The following SLX4 variants were observed in gnomAD, a reference collection of about 807,000 sequenced individuals.
SLX4 encodes SLX4 structure-specific endonuclease subunit.
A neutral mutation model predicts 146.2 loss-of-function variants in SLX4; 112 were observed. The observed-to-expected ratio is 0.77, with a 90% CI of 0.66 to 0.90. The LOEUF (loss-of-function observed/expected upper bound fraction) is 0.90, where lower values mean the gene tolerates loss of function less well. Ranked by LOEUF, SLX4 falls within the 40% of genes least tolerant of loss-of-function variation. The probability of loss-of-function intolerance (pLI) is 0.00; values close to 1 mark genes in which losing one functional copy is unlikely to be tolerated. For synonymous variants in SLX4, 1,061 were observed against 997.7 expected (o/e 1.06, Z -1.20); for missense variants, 2,563 against 2,392.7 (o/e 1.07, Z -1.49).
intron 1 of SLX4, among the ~76,000 whole-genome samples, chr16:3,609,815 T>C (rs1258493286): frequency 6.6e-6 from 1 of 152,198 alleles, no homozygotes; most frequent in Non-Finnish European, 1.5e-5. Flanking sequence ...GGGAGAGTGT[T>C]TTCTTAACTG....
At chr16:3,607,651 C>T (rs1042002068) in intron 2 of SLX4, among the ~76,000 whole-genome samples, 1 of 152,140 alleles carries the variant, frequency 6.6e-6, no homozygotes, top group African/African-American at 2.4e-5. Flanking sequence ...CACCACTGCA[C>T]TCCAGCCTGG....
Position 3,582,214 on chromosome 16 carries a change from T to C in SLX4, c.*128A>G, listed in dbSNP as rs528843807. 307 of 738,872 alleles carry C rather than the reference T, an allele frequency of 4.2e-4. 3 individuals carry two copies. The South Asian group carries it at 5.0e-3, about 12-fold the overall frequency. The allele number at this position is 738,872 out of a possible 1,614,324, so 45.8% of individuals were successfully genotyped here. A position where few individuals can be genotyped will look rare whatever the true frequency, so the allele number is the denominator to read the frequency against. On this transcript the variant is annotated 3_prime_UTR_variant, in exon 15 of 15. Coordinates refer to ENST00000294008, the MANE Select transcript of SLX4 (RefSeq NM_032444.4). ...TGTGGTCATCATCACAGCGCAGAGC[T>C]GATGTGGTCCCCAGGCCCAGAAATG...
At chr16:3,601,856 G>A (rs1053516946) in intron 4 of SLX4, 2 of 466,078 alleles carry the variant, frequency 4.3e-6, no homozygotes, top group African/African-American at 3.9e-5. Flanking sequence ...TGGGGGTGAT[G>A]AAAATAATCC....
At position 3,583,832 on chromosome 16, in the gene SLX4, G is replaced by C. The variant is rs189742230; in HGVS notation, c.4740-322C>G. Among the ~76,000 whole-genome samples the C allele has an allele frequency of 4.8e-3, 727 of 151,908 alleles. 4 individuals are homozygous for C. The highest frequency in any genetic ancestry group is 0.017 in the Middle Eastern group (5 of 294). On this transcript the variant is annotated intron_variant, in intron 13 of 14. Transcript: ENST00000294008. ...AGCCTGGGCAACATAGCAAGACCCC[G>C]CCTCTACAAAAAATACAAAAATTAG...
intron 7 of SLX4, among the ~76,000 whole-genome samples, chr16:3,596,776 G>A (rs964007278): frequency 5.3e-5 from 8 of 151,600 alleles, no homozygotes; most frequent in African/African-American, 1.9e-4. Flanking sequence ...CCGAATGCCA[G>A]TTTCCGGGCT....
chr16:3,591,251 T>C lies in SLX4; in HGVS notation c.2387A>G (p.Glu796Gly). The C allele has an allele frequency of 6.2e-7, 1 of 1,613,234 alleles. No homozygotes were observed. The change falls in exon 12 of 15, where the codon GAG becomes GGG. Residue 796 changes from glutamate (E) to glycine (G), a missense_variant. Glu to Gly is a moderately conservative substitution (Grantham distance 98, BLOSUM62 -2). Coordinates refer to ENST00000294008, the MANE Select transcript of SLX4 (RefSeq NM_032444.4). ...CEQVPIATDS[E>G]GKPWEEKEAE... Reference sequence around the variant, plus strand: ...TTCCTTCTCCTCCCATGGTTTGCCCTCTGAGTCAGTGGCAATAGGCACCTG... The same window carrying C: ...TTCCTTCTCCTCCCATGGTTTGCCCCCTGAGTCAGTGGCAATAGGCACCTG...
At chr16:3,583,578 T>G in intron 13 of SLX4, 68 bp from the exon 14 acceptor site, 1 of 1,573,316 alleles carries the variant, frequency 6.4e-7, no homozygotes, top group Non-Finnish European at 8.7e-7. Flanking sequence ...GTTCCCTATC[T>G]TAGCAAAGAG....
chr16:3,605,009 G>C (rs112955563), intron 3 of SLX4, among the ~76,000 whole-genome samples: 11,936 of 147,964 alleles, frequency 0.081, 527 homozygotes, highest in African/African-American at 0.12. Context: ...GCAGCTCAAC[G>C]TCCTGGGCTC....
At chr16:3,600,667 C>G in intron 5 of SLX4, 1 of 313,496 alleles carries the variant, frequency 3.2e-6, no homozygotes, top group Non-Finnish European at 5.9e-6. Flanking sequence ...GTGGTACGAT[C>G]TTGGCTCACT....
intron 4 of SLX4, 68 bp downstream of exon 4, chr16:3,602,050 C>G (rs772725307): frequency 2.5e-6 from 4 of 1,603,856 alleles, no homozygotes; most frequent in Non-Finnish European, 3.4e-6. Context: ...GATCCGCACT[C>G]CAGCCCTGGG....
chr16:3,607,497 G>A (rs1424045920), intron 2 of SLX4, among the ~76,000 whole-genome samples: 1 of 152,156 alleles, frequency 6.6e-6, no homozygotes, highest in African/African-American at 2.4e-5. Context: ...TATACCAAGG[G>A]CAGCAGGGCA....
At position 3,596,322 on chromosome 16, in the gene SLX4, G is replaced by A. The variant is rs114016359; in HGVS notation, c.1755C>T (p.Pro585=). Reference sequence around the variant, plus strand: ...CTGCAGTGGGGGTGCCGTGGAGAGCGGGTGACCTTCGCTCGCTCAGCTCTG... The same window carrying A: ...CTGCAGTGGGGGTGCCGTGGAGAGCAGGTGACCTTCGCTCGCTCAGCTCTG... ...EHSELSERRS[P]ALHGTPTAGC... Residue 585 remains proline (P), a synonymous_variant, in exon 8 of 15, where the codon CCC becomes CCT. Transcript: ENST00000294008. 3,861 of 1,584,644 alleles carry A rather than the reference G, an allele frequency of 2.4e-3. 19 individuals carry two copies. Among genetic ancestry groups the A allele is most frequent in the African/African-American group, 0.018 (1,311 of 74,630 alleles).
chr16:3,581,951 G>C lies in SLX4; in HGVS notation c.*391C>G, dbSNP rs1315682501. ...CCAGCTATCTGGGAGGCTGAGGCAG[G>C]AGAATTGCTTGAACCCGGGAGGCGG... On this transcript the variant is annotated 3_prime_UTR_variant, in exon 15 of 15. Transcript: ENST00000294008. 3.8e-6 allele frequency: 1 copy of C among 262,368 alleles called. No homozygotes were observed. Among genetic ancestry groups the C allele is most frequent in the Admixed American group, 4.9e-5 (1 of 20,418 alleles). The allele number at this position is 262,368 out of a possible 1,614,324, so 16.3% of individuals were successfully genotyped here.
rs2040465388 is a variant in SLX4, at chr16:3,583,355, TG to T, written c.4894del (p.Gln1632ArgfsTer83). 3.5e-5 allele frequency: 56 copies of T among 1,613,350 alleles called. No homozygotes were observed. The highest frequency in any genetic ancestry group is 4.7e-5 in the Non-Finnish European group (56 of 1,179,538). ...QAPHCQTLASQTYKPSRAGVH... is the reference protein window; with the variant it reads ...QAPHCQTLASXTYKPSRAGVH... ...CCCTGCCCTTGAAGGCTTGTAGGTC[TG>T]GGAGGCGAGGGTCTGGCAGTGAGGC... is the stretch of plus-strand genomic sequence containing the variant. On this transcript the variant is annotated frameshift_variant, in exon 14 of 15. Coordinates refer to ENST00000294008, the MANE Select transcript of SLX4 (RefSeq NM_032444.4). LOFTEE classifies it high-confidence loss of function.
Position 3,603,179 on chromosome 16 carries a change from G to A in SLX4, c.761-872C>T, listed in dbSNP as rs1287344975. ...AGCGATTCTCCTGCCTCAGCCTCCTGAGTAGCTGGGATTACAGGTGCCCAC... is the reference window on the plus strand; with the variant it reads ...AGCGATTCTCCTGCCTCAGCCTCCTAAGTAGCTGGGATTACAGGTGCCCAC... On this transcript the variant is annotated intron_variant, in intron 3 of 14. Coordinates refer to ENST00000294008, the MANE Select transcript of SLX4 (RefSeq NM_032444.4). 1.3e-5 allele frequency among the ~76,000 whole-genome samples: 2 copies of A among 152,126 alleles called. 1 individual carries two copies. The highest frequency in any genetic ancestry group is 4.1e-4 in the South Asian group (2 of 4,834).
At position 3,583,427 on chromosome 16, in the gene SLX4, G is replaced by C. The variant is rs200628199; in HGVS notation, c.4823C>G (p.Ser1608Ter). 7 of 1,613,998 alleles carry C rather than the reference G, an allele frequency of 4.3e-6. No individual in the cohort carries two copies. The highest frequency in any genetic ancestry group is 5.9e-6 in the Non-Finnish European group (7 of 1,179,910). Reference protein sequence around the residue: ...IFQYTHQTLDSDSEDESQSSQ... With the variant: ...IFQYTHQTLD ...GGACTGGCTCTCGTCCTCGGAGTCT[G>C]AGTCCAGGGTCTGGTGAGTGTACTG... is the stretch of plus-strand genomic sequence containing the variant. Residue 1608 changes from serine to a stop codon, truncating the protein, a stop_gained, in exon 14 of 15, where the codon TCA becomes TGA. Coordinates refer to ENST00000294008, the MANE Select transcript of SLX4 (RefSeq NM_032444.4). LOFTEE classifies it high-confidence loss of function.
rs756121890 is a variant in SLX4, at chr16:3,597,964, C to A, written c.1199G>T (p.Gly400Val). ...CCGTGGCTCCTTCTTGCTGGTGGGT[C>A]CTCTCCGTTTCAGACCTCTACTGTG... ...SDHSRGLKRR[G>V]PTSKKEPRKR... The change falls in exon 6 of 15, where the codon GGA (glycine) becomes GTA (valine). Residue 400 changes from glycine (G) to valine (V), a missense_variant. Gly to Val is a moderately radical substitution (Grantham distance 109). Coordinates refer to ENST00000294008, the MANE Select transcript of SLX4 (RefSeq NM_032444.4). This position sits in a 1 kb window ranked among gnomAD's most constrained non-coding sequence, Gnocchi z 4.4. 1 of 1,614,110 alleles carries A rather than the reference C, an allele frequency of 6.2e-7. No homozygotes were observed. Among genetic ancestry groups the A allele is most frequent in the South Asian group, 1.1e-5 (1 of 91,080 alleles).
At position 3,590,203 on chromosome 16, in the gene SLX4, C is replaced by T; in HGVS notation, c.3435G>A (p.Leu1145=). The T allele has an allele frequency of 2.5e-6, 4 of 1,614,172 alleles. No homozygotes were observed. Among genetic ancestry groups the T allele is most frequent in the Non-Finnish European group, 3.4e-6 (4 of 1,180,044 alleles). ...AGAGGATGACCTCATCTTCTTCGTT[C>T]AGTTTGGATGAAGATTTCTGAGATC... The part of the protein sequence containing the change: ...SSRSQKSSSK[L]NEEDEVILLL... Residue 1145 remains leucine (L), a synonymous_variant, in exon 12 of 15, where the codon CTG becomes CTA. Coordinates refer to ENST00000294008, the MANE Select transcript of SLX4 (RefSeq NM_032444.4). The surrounding 1 kb of genome is among the most constrained non-coding windows in gnomAD (Gnocchi z 4.8).
At chr16:3,593,036 T>C (rs1348283911) in intron 10 of SLX4, among the ~76,000 whole-genome samples, 171 bp from the exon 11 acceptor site, 1 of 152,170 alleles carries the variant, frequency 6.6e-6, no homozygotes, top group Non-Finnish European at 1.5e-5. Flanking sequence ...CATGGCTTAC[T>C]GCAGCCTTGA....
Sources: allele counts gnomAD v4.1 joint callset (sites outside exome capture counted in the v4.1 genomes callset), GRCh38; gene constraint gnomAD v4.1.1; non-coding constraint Gnocchi (gnomAD v3.1); transcripts MANE v1.5; gene names NCBI Gene and HGNC (gene_info 2026-07-23, HGNC 2026-07-21).